Variants in RNASEL observed in about 807,000 individuals in gnomAD.
RNASEL encodes 2-5A-dependent ribonuclease.
RNASEL carries 36 observed loss-of-function variants against 50.9 expected under a neutral mutation model. The ratio of observed to expected loss-of-function variants is 0.71; its 90% CI spans 0.54 to 0.93. The LOEUF is 0.93. Ranked by LOEUF, RNASEL falls within the 40% of genes least tolerant of loss-of-function variation. RNASEL has a pLI of 0.00. For synonymous variants in RNASEL, 335 were observed against 335.6 expected, an observed-to-expected ratio of 1.00 and a Z score of 0.02; for missense variants, 860 against 894.5, an observed-to-expected ratio of 0.96 and a Z score of 0.49.
In RNASEL at chr1:182,586,502, G is replaced by A. The variant is rs1273818084; in HGVS notation, c.305C>T (p.Ala102Val). Residue 102 changes from alanine to valine, a missense_variant, in exon 2 of 7, where the codon GCG becomes GTG. Coordinates refer to ENST00000367559, the MANE Select transcript of RNASEL (RefSeq NM_021133.4). ...AAGTTTCAGCAGCTTCACGCTCCCC[G>A]CAATCGCTGCGAGGATAAAAGGCGT... Reference protein sequence around the residue: ...GATPFILAAIAGSVKLLKLFL... With the variant: ...GATPFILAAIVGSVKLLKLFL... 1.2e-6 allele frequency: 2 copies of A among 1,611,462 alleles called. No homozygotes were observed. The highest frequency in any genetic ancestry group is 1.7e-6 in the Non-Finnish European group (2 of 1,178,056).
At chr1:182,581,473 C>CTTTTTTTTTTTTT (rs1011639686) in intron 4 of RNASEL, 116 bp from the exon 5 acceptor site, 3 of 294,814 alleles carry the variant, frequency 1.0e-5, no homozygotes, top group East Asian at 1.7e-4. Flanking sequence ...GTTTTTCTTT[C>CTTTTTTTTTTTTT]TTTTTTTTTT....
chr1:182,579,168 A>G, intron 5 of RNASEL: 3 of 867,710 alleles, frequency 3.5e-6, no homozygotes, highest in Non-Finnish European at 4.2e-6. Flanking sequence ...GCCCAACTTT[A>G]CCACTACACA....
At chr1:182,580,960 T>A (rs886928293) in intron 5 of RNASEL, among the ~76,000 whole-genome samples, 1 of 152,126 alleles carries the variant, frequency 6.6e-6, no homozygotes, top group African/African-American at 2.4e-5. Flanking sequence ...TGGGCTGGGA[T>A]AAGGCCATCC....
At chr1:182,584,941 T>C (rs559616211) in intron 2 of RNASEL, among the ~76,000 whole-genome samples, 8 of 152,354 alleles carry the variant, frequency 5.3e-5, no homozygotes, top group African/African-American at 1.9e-4. Context: ...CATCTTGTCC[T>C]GACATCCTCA....
intron 5 of RNASEL, chr1:182,578,277 C>T (rs746448574): frequency 6.6e-6 from 1 of 152,064 alleles, no homozygotes; most frequent in Non-Finnish European, 1.5e-5. Flanking sequence ...ACTCAAACAA[C>T]TTAACAATAA....
In RNASEL at chr1:182,575,205, A is replaced by G; in HGVS notation, c.*187T>C. Reference sequence around the variant, plus strand: ...AGTTAGTGGGTAAAGCTTATGGACTAGTGTAGTCTGGGTATATATTGCTTT... The same window carrying G: ...AGTTAGTGGGTAAAGCTTATGGACTGGTGTAGTCTGGGTATATATTGCTTT... On this transcript the variant is annotated 3_prime_UTR_variant, in exon 7 of 7. Coordinates refer to ENST00000367559, the MANE Select transcript of RNASEL (RefSeq NM_021133.4). 3.2e-6 allele frequency: 2 copies of G among 625,514 alleles called. No individual in the cohort carries two copies. Among genetic ancestry groups the G allele is most frequent in the Non-Finnish European group, 5.7e-6 (2 of 350,666 alleles). 38.7% of individuals were successfully genotyped at this position (625,514 alleles called of 1,614,324 possible).
intron 5 of RNASEL, chr1:182,579,607 T>C (rs1288112534): frequency 1.7e-6 from 2 of 1,158,704 alleles, no homozygotes; most frequent in African/African-American, 3.3e-5. Context: ...AAATTAATTG[T>C]GTGACCATGA....
intron 5 of RNASEL, 66 bp downstream of exon 5, chr1:182,581,159 T>C: frequency 6.2e-7 from 1 of 1,611,458 alleles, no homozygotes; most frequent in Non-Finnish European, 8.5e-7. Flanking sequence ...ATAGAAAAAC[T>C]AACATAAAAC....
intron 4 of RNASEL, 123 bp downstream of exon 4, chr1:182,581,930 G>T: frequency 1.2e-6 from 1 of 838,660 alleles, no homozygotes; most frequent in Non-Finnish European, 2.1e-6. Flanking sequence ...AGGACACACA[G>T]CCAGTAAATC....
chr1:182,573,987 G>A lies in RNASEL; in HGVS notation c.*1405C>T, dbSNP rs990475265. On this transcript the variant is annotated 3_prime_UTR_variant, in exon 7 of 7. Transcript: ENST00000367559. ...AGATAGTAACACTTCCTAGCTATAC[G>A]TCCTAGAGGAAATCAAAATGTTTCT... The A allele has an allele frequency of 1.7e-4, 34 of 199,036 alleles. No individual in the cohort carries two copies. Among genetic ancestry groups the A allele is most frequent in the African/African-American group, 9.2e-5 (4 of 43,394 alleles). The allele number at this position is 199,036 out of a possible 1,614,324, so 12.3% of individuals were successfully genotyped here.
At chr1:182,581,387 A>T (rs372580114) in intron 4 of RNASEL, 30 bp from the exon 5 acceptor site, 1 of 1,613,474 alleles carries the variant, frequency 6.2e-7, no homozygotes, top group South Asian at 1.1e-5. Context: ...CTAAATGATC[A>T]TGATCATCCC....
In RNASEL at chr1:182,586,306, TC is replaced by T. The variant is rs1370860260; in HGVS notation, c.500del (p.Gly167GlufsTer15). The T allele has an allele frequency of 6.2e-7, 1 of 1,614,066 alleles. No homozygotes were observed. The highest frequency in any genetic ancestry group is 8.5e-7 in the Non-Finnish European group (1 of 1,180,044). ...TKEDQERLRK[G>X]GATALMDAAE... ...CAGCGTCCATGAGAGCTGTGGCCCC[TC>T]CTTTCCTCAGCCGCTCTTGATCCTC... On this transcript the variant is annotated frameshift_variant, in exon 2 of 7. Coordinates refer to ENST00000367559, the MANE Select transcript of RNASEL (RefSeq NM_021133.4). LOFTEE classifies it high-confidence loss of function.
At chr1:182,588,552 T>A (rs1661642962) in intron 1 of RNASEL, among the ~76,000 whole-genome samples, 1 of 152,222 alleles carries the variant, frequency 6.6e-6, no homozygotes. Flanking sequence ...AGTTCAATCA[T>A]CAGACAGCCC....
intron 5 of RNASEL, among the ~76,000 whole-genome samples, 181 bp from the exon 6 acceptor site, chr1:182,576,570 C>A (rs1177657364): frequency 6.6e-6 from 1 of 152,010 alleles, no homozygotes; most frequent in Non-Finnish European, 1.5e-5. Flanking sequence ...AAAATGCTAA[C>A]TATAATTGTG....
intron 4 of RNASEL, 36 bp from the exon 5 acceptor site, chr1:182,581,393 A>G (rs544127693): frequency 6.2e-7 from 1 of 1,611,876 alleles, no homozygotes; most frequent in African/African-American, 1.3e-5. Flanking sequence ...GATCATGATC[A>G]TCCCATCCCT....
chr1:182,584,108 A>G lies in RNASEL; in HGVS notation c.1539T>C (p.Asp513=). ...DFDKSIKWAG[D]PQEVKRDLED... is the part of the protein sequence containing the mutation. ...CTAGATCTCTCTTGACTTCCTGTGGATCTCCAGCCCACTTGATGCTCTTAT... is the reference window on the plus strand; with the variant it reads ...CTAGATCTCTCTTGACTTCCTGTGGGTCTCCAGCCCACTTGATGCTCTTAT... Residue 513 remains aspartate, a synonymous_variant, in exon 3 of 7, where the codon GAT becomes GAC. Transcript: ENST00000367559. The G allele has an allele frequency of 1.9e-6, 3 of 1,613,966 alleles. No individual in the cohort carries two copies. Among genetic ancestry groups the G allele is most frequent in the Non-Finnish European group, 2.5e-6 (3 of 1,179,848 alleles).
intron 1 of RNASEL, among the ~76,000 whole-genome samples, chr1:182,587,361 G>A (rs907787202): frequency 1.3e-5 from 2 of 151,820 alleles, no homozygotes; most frequent in African/African-American, 4.8e-5. Flanking sequence ...CTCTATTACT[G>A]AGTGGTTTTC....
chr1:182,584,142 G>T lies in RNASEL; in HGVS notation c.1505C>A (p.Ala502Glu). ...LIDSKKAAHLADFDKSIKWAG... is the reference protein window; with the variant it reads ...LIDSKKAAHLEDFDKSIKWAG... ...CCACTTGATGCTCTTATCAAAATCT[G>T]CCAGGTGAGCAGCTTTCTTAGAATC... Residue 502 changes from alanine (A) to glutamate (E), a missense_variant, in exon 3 of 7, where the codon GCA becomes GAA. Ala to Glu is a moderately radical substitution (Grantham distance 107). Transcript: ENST00000367559. The T allele has an allele frequency of 6.2e-7, 1 of 1,613,984 alleles. No homozygotes were observed. The highest frequency in any genetic ancestry group is 2.2e-5 in the East Asian group (1 of 44,862).
chr1:182,577,597 A>G (rs1339863946), intron 5 of RNASEL, among the ~76,000 whole-genome samples: 2 of 152,154 alleles, frequency 1.3e-5, no homozygotes, highest in African/African-American at 4.8e-5. Context: ...CTATCAAAAT[A>G]CCAACATCAT....
Sources: allele counts gnomAD v4.1 joint callset (sites outside exome capture counted in the v4.1 genomes callset), GRCh38; gene constraint gnomAD v4.1.1; transcripts MANE v1.5; gene names NCBI Gene and HGNC (gene_info 2026-07-23, HGNC 2026-07-21).